The following NMD3 variants were observed in gnomAD, a reference collection of about 807,000 sequenced individuals.
NMD3 encodes the protein 60S ribosomal export protein NMD3.
A neutral mutation model predicts 73.1 loss-of-function variants in NMD3; 47 were observed. The ratio of observed to expected loss-of-function variants is 0.64; its 90% CI spans 0.51 to 0.82. The LOEUF is 0.82. Ranked by LOEUF, NMD3 falls within the 40% of genes least tolerant of loss-of-function variation. The pLI, the probability that NMD3 is intolerant of heterozygous loss-of-function variation, is 0.00. For missense variants in NMD3, 554 were observed against 612.5 expected, an observed-to-expected ratio of 0.90 and a Z score of 1.01; for synonymous variants, 210 against 194.5, an observed-to-expected ratio of 1.08 and a Z score of -0.66.
intron 13 of NMD3, among the ~76,000 whole-genome samples, chr3:161,248,749 A>T (rs986978661): frequency 1.3e-5 from 2 of 152,174 alleles, no homozygotes; most frequent in African/African-American, 4.8e-5. Context: ...AAACTGAATG[A>T]AATTAGTGTG....
chr3:161,225,764 C>G (rs939089956), intron 3 of NMD3, among the ~76,000 whole-genome samples: 5 of 151,980 alleles, frequency 3.3e-5, no homozygotes, highest in Non-Finnish European at 5.9e-5. Context: ...GGTTCATGGA[C>G]TCCTTTGAGA....
At chr3:161,243,953 T>C (rs1576856286) in intron 11 of NMD3, among the ~76,000 whole-genome samples, 1 of 152,294 alleles carries the variant, frequency 6.6e-6, no homozygotes, top group East Asian at 1.9e-4. Flanking sequence ...TCTTTTTTTT[T>C]CTGGCTTTAG....
At chr3:161,226,680 A>G (rs561184277) in intron 3 of NMD3, among the ~76,000 whole-genome samples, 3 of 152,346 alleles carry the variant, frequency 2.0e-5, no homozygotes, top group Admixed American at 1.3e-4. Context: ...CTGGGTAGGC[A>G]GGACTAAAAA....
chr3:161,249,931 T>G (rs997662849), intron 14 of NMD3, among the ~76,000 whole-genome samples: 2 of 152,180 alleles, frequency 1.3e-5, no homozygotes, highest in Non-Finnish European at 2.9e-5. Context: ...ATAATTACAT[T>G]ATGAATATCA....
intron 7 of NMD3, among the ~76,000 whole-genome samples, chr3:161,237,825 G>C (rs183489839): frequency 8.5e-4 from 129 of 152,116 alleles, no homozygotes; most frequent in Non-Finnish European, 1.5e-3. Context: ...ACCGCACCCG[G>C]CTGTTCATAA....
intron 7 of NMD3, 118 bp downstream of exon 7, chr3:161,235,330 A>T: frequency 2.4e-6 from 1 of 410,132 alleles, no homozygotes; most frequent in Non-Finnish European, 4.4e-6. Flanking sequence ...ACTTTCTGTT[A>T]GGAAAAAAAA....
chr3:161,250,118 A>G (rs1737420220), intron 14 of NMD3, 138 bp from the exon 15 acceptor site: 1 of 567,426 alleles, frequency 1.8e-6, no homozygotes. Flanking sequence ...AAAAAAACTG[A>G]GAGTTTATAT....
At position 161,221,345 on chromosome 3, in the gene NMD3, G is replaced by C. The variant is rs896606563; in HGVS notation, c.-85G>C. 3 of 152,314 alleles carry C rather than the reference G, an allele frequency of 2.0e-5. No homozygotes were observed. Among genetic ancestry groups the C allele is most frequent in the Non-Finnish European group, 4.4e-5 (3 of 68,112 alleles). 9.4% of individuals were successfully genotyped at this position (152,314 alleles called of 1,614,324 possible). ...GGAGACAGCCAGGTTGGCAGCTGAC[G>C]GGACAGCCGGGGTCTATTTTGTTGC... On this transcript the variant is annotated 5_prime_UTR_variant, in exon 1 of 16. Coordinates refer to ENST00000351193, the MANE Select transcript of NMD3 (RefSeq NM_015938.5).
intron 4 of NMD3, among the ~76,000 whole-genome samples, chr3:161,230,132 T>C (rs1736476453): frequency 6.6e-6 from 1 of 152,194 alleles, no homozygotes; most frequent in Admixed American, 6.5e-5. Context: ...AAGGTCTTGC[T>C]TTATTGCTCA....
At chr3:161,246,618 A>G (rs1163415437) in intron 12 of NMD3, among the ~76,000 whole-genome samples, 170 bp downstream of exon 12, 1 of 152,178 alleles carries the variant, frequency 6.6e-6, no homozygotes, top group East Asian at 1.9e-4. Context: ...TGGGTTGGAC[A>G]GAAGCCCATA....
intron 7 of NMD3, among the ~76,000 whole-genome samples, chr3:161,236,199 C>A (rs959360516): frequency 6.6e-6 from 1 of 152,010 alleles, no homozygotes; most frequent in Non-Finnish European, 1.5e-5. Context: ...TCAGCTGTTT[C>A]ATTCTTTTGG....
At position 161,221,988 on chromosome 3, in the gene NMD3, T is replaced by TTTAAAAA; in HGVS notation, c.-20-6_-20-5insTTAAAAA. On this transcript the variant is annotated splice_region_variant and splice_polypyrimidine_tract_variant and intron_variant, in intron 1 of 15. Transcript: ENST00000351193. ...TTTTTTTTTTTTTTTTTTTTTTTTT[T>TTTAAAAA]AAAAGAACTTAAGGCATACAGAACG... is the stretch of plus-strand genomic sequence containing the variant. 1 of 1,191,962 alleles carries TTTAAAAA rather than the reference T, an allele frequency of 8.4e-7. No individual in the cohort carries two copies. The highest frequency in any genetic ancestry group is 1.2e-6 in the Non-Finnish European group (1 of 853,670). The allele number at this position is 1,191,962 out of a possible 1,614,324, so 73.8% of individuals were successfully genotyped here.
chr3:161,226,546 A>G (rs1166986998), intron 3 of NMD3, among the ~76,000 whole-genome samples: 2 of 152,226 alleles, frequency 1.3e-5, no homozygotes, highest in Non-Finnish European at 1.5e-5. Context: ...GTGAAAGTCA[A>G]AACTTTCTGT....
chr3:161,225,712 G>T (rs1356674988), intron 3 of NMD3, among the ~76,000 whole-genome samples: 1 of 152,132 alleles, frequency 6.6e-6, no homozygotes, highest in Non-Finnish European at 1.5e-5. Context: ...TTCCAAAATG[G>T]ATTAAGACGC....
At chr3:161,238,048 A>G (rs1022941471) in intron 7 of NMD3, 65 bp from the exon 8 acceptor site, 4 of 1,022,486 alleles carry the variant, frequency 3.9e-6, no homozygotes, top group African/African-American at 3.3e-5. Context: ...TAATATAGTC[A>G]TGTTAGTAGA....
At chr3:161,223,133 C>T (rs1046871400) in intron 2 of NMD3, 2 of 152,224 alleles carry the variant, frequency 1.3e-5, no homozygotes, top group Admixed American at 1.3e-4. Context: ...CTGTCAGGAA[C>T]TGCTTTCTTT....
At chr3:161,249,217 A>C (rs1192275276) in intron 13 of NMD3, among the ~76,000 whole-genome samples, 1 of 152,226 alleles carries the variant, frequency 6.6e-6, no homozygotes, top group African/African-American at 2.4e-5. Flanking sequence ...TCAGTCACTG[A>C]AAAATTTTAG....
chr3:161,249,417 C>T, intron 13 of NMD3, 37 bp from the exon 14 acceptor site: 1 of 1,368,220 alleles, frequency 7.3e-7, no homozygotes, highest in Non-Finnish European at 1.0e-6. Flanking sequence ...CTGTATAGTT[C>T]CCATTCTTTG....
intron 11 of NMD3, among the ~76,000 whole-genome samples, 186 bp from the exon 12 acceptor site, chr3:161,246,150 T>A (rs1737191855): frequency 6.6e-6 from 1 of 152,132 alleles, no homozygotes; most frequent in Non-Finnish European, 1.5e-5. Flanking sequence ...TGTTTGTGAG[T>A]CTTTCTATAC....
Sources: allele counts gnomAD v4.1 joint callset (sites outside exome capture counted in the v4.1 genomes callset), GRCh38; gene constraint gnomAD v4.1.1; transcripts MANE v1.5; gene names NCBI Gene and HGNC (gene_info 2026-07-23, HGNC 2026-07-21).